Variants in DLG2 observed in about 807,000 individuals in gnomAD.
The protein encoded by DLG2 is disks large homolog 2.
Under a neutral mutation model 132.5 loss-of-function variants are expected in DLG2, and 45 were observed. The observed-to-expected ratio is 0.34, with a 90% CI of 0.27 to 0.44. The LOEUF (loss-of-function observed/expected upper bound fraction) is 0.44. DLG2 is among the 20% of genes least tolerant of loss of function. The probability of loss-of-function intolerance (pLI) is 1.00; values close to 1 mark genes in which losing one functional copy is unlikely to be tolerated. For synonymous variants in DLG2, 424 were observed against 419.6 expected (o/e 1.01, Z -0.13); for missense variants, 1,045 against 1,196.9 (o/e 0.87, Z 1.87).
intron 7 of DLG2, among the ~76,000 whole-genome samples, chr11:84,525,874 T>C (rs1444493702): frequency 2.0e-5 from 3 of 152,178 alleles, no homozygotes; most frequent in Admixed American, 2.0e-4. Context: ...AACTTTTCCA[T>C]ACTGTTACAC....
chr11:84,630,403 T>C (rs2099629505), intron 6 of DLG2, among the ~76,000 whole-genome samples: 1 of 152,174 alleles, frequency 6.6e-6, no homozygotes. Flanking sequence ...TCAATCCAAC[T>C]CTCTTTTGCT....
At chr11:84,902,545 G>C (rs991257170) in intron 6 of DLG2, among the ~76,000 whole-genome samples, 2 of 152,070 alleles carry the variant, frequency 1.3e-5, no homozygotes, top group African/African-American at 4.8e-5. Context: ...CACAATGGTG[G>C]TATCCCCCAG....
chr11:83,902,520 T>C (rs1174281719), intron 15 of DLG2, among the ~76,000 whole-genome samples: 2 of 152,176 alleles, frequency 1.3e-5, no homozygotes, highest in Non-Finnish European at 2.9e-5. Context: ...ATCAGAATGA[T>C]AAGTGATTTT....
intron 3 of DLG2, among the ~76,000 whole-genome samples, chr11:85,348,543 T>A (rs555109914): frequency 3.9e-5 from 6 of 152,124 alleles, no homozygotes; most frequent in African/African-American, 1.5e-4. Flanking sequence ...TCTGAATTTA[T>A]GATCAGAAGT....
intron 6 of DLG2, among the ~76,000 whole-genome samples, chr11:85,030,561 GT>G (rs1442345781): frequency 6.6e-6 from 1 of 152,042 alleles, no homozygotes; most frequent in Non-Finnish European, 1.5e-5. Context: ...TACTGTTATT[GT>G]TTACTGTTGC....
intron 3 of DLG2, among the ~76,000 whole-genome samples, chr11:85,420,424 C>A (rs147385282): frequency 6.6e-6 from 1 of 152,130 alleles, no homozygotes; most frequent in South Asian, 2.1e-4. Context: ...GGGACCCACT[C>A]GAGGAGGCAG....
chr11:84,360,209 A>AT (rs920427230), intron 7 of DLG2, among the ~76,000 whole-genome samples: 4 of 151,876 alleles, frequency 2.6e-5, no homozygotes, highest in South Asian at 2.1e-4. Flanking sequence ...CATTATCTCA[A>AT]TTTTTTTTAA....
At chr11:83,650,151 T>G (rs2069693966) in intron 18 of DLG2, among the ~76,000 whole-genome samples, 1 of 152,214 alleles carries the variant, frequency 6.6e-6, no homozygotes, top group Non-Finnish European at 1.5e-5. Context: ...GTAGGCTGAA[T>G]GATGGCCCCC....
intron 3 of DLG2, among the ~76,000 whole-genome samples, chr11:85,333,844 G>A (rs1376151418): frequency 6.6e-6 from 1 of 151,950 alleles, no homozygotes; most frequent in Non-Finnish European, 1.5e-5. Context: ...ATTTGGTTGA[G>A]GATTTTTGCA....
At chr11:84,374,949 T>C (rs2098723163) in intron 7 of DLG2, among the ~76,000 whole-genome samples, 1 of 152,142 alleles carries the variant, frequency 6.6e-6, no homozygotes, top group Non-Finnish European at 1.5e-5. Context: ...ACAATATGTA[T>C]TTTATAATTT....
At chr11:84,943,340 G>GCCTTCCTGCCTGCCTTTCTGCCTT (rs1369610486) in intron 6 of DLG2, among the ~76,000 whole-genome samples, 3 of 151,692 alleles carry the variant, frequency 2.0e-5, no homozygotes, top group Non-Finnish European at 4.4e-5. Flanking sequence ...TTTCCTTCCT[G>GCCTTCCTGCCTGCCTTTCTGCCTT]CCTTCCTGCC....
chr11:84,320,424 G>A (rs2098398040), intron 7 of DLG2, among the ~76,000 whole-genome samples: 1 of 152,146 alleles, frequency 6.6e-6, no homozygotes, highest in African/African-American at 2.4e-5. Flanking sequence ...AAGAGTGACT[G>A]GTGACAGACA....
rs1021568493 is a variant in DLG2, at chr11:84,521,685, T to G, written c.519+12885A>C. On this transcript the variant is annotated intron_variant, in intron 7 of 27. Transcript: ENST00000376104. ...ATGAGAAGGGGCTCCATTTTCTAATTCATATAAATATGTTGAATGAGTAGC... is the reference window on the plus strand; with the variant it reads ...ATGAGAAGGGGCTCCATTTTCTAATGCATATAAATATGTTGAATGAGTAGC... 2.6e-5 allele frequency among the ~76,000 whole-genome samples: 4 copies of G among 152,318 alleles called. No homozygotes were observed. The East Asian group carries it at 7.7e-4, about 29-fold the overall frequency.
chr11:84,730,686 T>A (rs559267474), intron 6 of DLG2, among the ~76,000 whole-genome samples: 1 of 152,008 alleles, frequency 6.6e-6, no homozygotes, highest in Non-Finnish European at 1.5e-5. Flanking sequence ...CTACTACAAA[T>A]AGATTTTCCT....
At chr11:84,934,523 TTG>T (rs1382656565) in intron 6 of DLG2, among the ~76,000 whole-genome samples, 16,031 of 94,916 alleles carry the variant, frequency 0.17, 2,497 homozygotes, top group East Asian at 0.3. Flanking sequence ...TTGTTTTGTT[TTG>T]TTTTTTTTTT....
intron 6 of DLG2, among the ~76,000 whole-genome samples, chr11:84,561,858 T>C (rs2099429342): frequency 6.6e-6 from 1 of 152,134 alleles, no homozygotes; most frequent in Non-Finnish European, 1.5e-5. Context: ...TTTTTTTAAC[T>C]TCCTAAGTAC....
chr11:84,365,901 C>A (rs1239273003), intron 7 of DLG2, among the ~76,000 whole-genome samples: 2 of 151,978 alleles, frequency 1.3e-5, no homozygotes, highest in Non-Finnish European at 2.9e-5. Flanking sequence ...AGGATATTAT[C>A]CAGGAGAACT....
rs1597209754 is a variant in DLG2, at chr11:85,424,097, C to A, written c.41-138732G>T. The stretch of plus-strand genomic sequence containing the variant: ...TGGCTTGCTAGGGGACCCATTGCTT[C>A]GTCTACCACTGTATTTTGCTTGGCT... On this transcript the variant is annotated intron_variant, in intron 3 of 27. Transcript: ENST00000376104. 4.6e-5 allele frequency among the ~76,000 whole-genome samples: 7 copies of A among 152,148 alleles called. No homozygotes were observed. In the South Asian group the frequency reaches 1.4e-3, roughly 32 times the overall value.
chr11:84,529,378 G>A (rs1166348709), intron 7 of DLG2, among the ~76,000 whole-genome samples: 2 of 152,042 alleles, frequency 1.3e-5, no homozygotes, highest in African/African-American at 2.4e-5. Flanking sequence ...ATGATATGAT[G>A]CTATACCTAG....
Sources: gnomAD v4.1 joint callset for allele counts (sites outside exome capture counted in the v4.1 genomes callset) on GRCh38, gnomAD v4.1.1 for gene constraint, MANE v1.5 for transcripts, NCBI Gene and HGNC (gene_info 2026-07-23, HGNC 2026-07-21) for gene names.